NAAA: variants seen among roughly 807,000 people sequenced by gnomAD.
NAAA encodes the protein N-acylethanolamine acid amidase.
A neutral mutation model predicts 44.8 loss-of-function variants in NAAA; 39 were observed. The ratio of observed to expected loss-of-function variants is 0.87; its 90% CI spans 0.67 to 1.14. The LOEUF is 1.14. NAAA is among the 50% of genes most tolerant of loss of function. The pLI, the probability that NAAA is intolerant of heterozygous loss-of-function variation, is 0.00. For synonymous variants in NAAA, 178 were observed against 191.3 expected, an observed-to-expected ratio of 0.93 and a Z score of 0.58; for missense variants, 460 against 467.8, an observed-to-expected ratio of 0.98 and a Z score of 0.15.
chr4:75,920,617 C>T (rs893044785), intron 7 of NAAA, 121 bp downstream of exon 7: 2 of 1,239,558 alleles, frequency 1.6e-6, no homozygotes, highest in African/African-American at 1.5e-5. Context: ...GGCGAAGGGG[C>T]TCAGGTACAT....
At chr4:75,930,406 C>T (rs1480949548) in intron 4 of NAAA, 5 of 501,540 alleles carry the variant, frequency 1.0e-5, no homozygotes, top group Non-Finnish European at 2.0e-5. Flanking sequence ...CATTTCATCT[C>T]ACAGCCTATT....
chr4:75,928,043 T>A (rs1726894331), intron 4 of NAAA, among the ~76,000 whole-genome samples: 1 of 152,226 alleles, frequency 6.6e-6, no homozygotes, highest in Admixed American at 6.5e-5. Context: ...AAATACATAA[T>A]ACATGATTGT....
At position 75,915,903 on chromosome 4, in the gene NAAA, G is replaced by A. The variant is rs569645459; in HGVS notation, c.999-918C>T. ...ACATTTGTCTTGGAATCCAGTTGAG[G>A]TGCATGTGCAAAATATCGGAGCTGG... is the stretch of plus-strand genomic sequence containing the variant. On this transcript the variant is annotated intron_variant, in intron 9 of 10. Transcript: ENST00000286733. 2.0e-5 allele frequency among the ~76,000 whole-genome samples: 3 copies of A among 152,324 alleles called. No homozygotes were observed. The East Asian group carries it at 5.8e-4, about 29-fold the overall frequency.
intron 4 of NAAA, among the ~76,000 whole-genome samples, chr4:75,926,694 C>T (rs1726730762): frequency 2.0e-5 from 3 of 151,170 alleles, no homozygotes; most frequent in Admixed American, 2.0e-4. Flanking sequence ...AACAACAAAA[C>T]AAACATTCCA....
Position 75,914,924 on chromosome 4 carries a change from T to C in NAAA, c.1060A>G (p.Arg354Gly). 1.2e-6 allele frequency: 2 copies of C among 1,614,192 alleles called. No individual in the cohort carries two copies. The highest frequency in any genetic ancestry group is 2.2e-5 in the East Asian group (1 of 44,888). Residue 354 changes from arginine (R) to glycine (G), a missense_variant, in exon 10 of 11, where the codon AGA becomes GGA. By Grantham distance (125) the Arg-to-Gly change is moderately radical. Transcript: ENST00000286733. ...CTGACTTACTTTCTACTCGGGTTTCTGATCCTAGTCATGTACTTGTCTGGG... is the reference window on the plus strand; with the variant it reads ...CTGACTTACTTTCTACTCGGGTTTCCGATCCTAGTCATGTACTTGTCTGGG... ...GSPDKYMTRI[R>G]NPSRK
At chr4:75,916,713 T>C (rs57721710) in intron 9 of NAAA, among the ~76,000 whole-genome samples, 12,737 of 151,776 alleles carry the variant, frequency 0.084, 923 homozygotes, top group African/African-American at 0.19. Context: ...AAATGCTTTG[T>C]TTTATTAAAA....
chr4:75,926,934 G>GC (rs1726758710), intron 4 of NAAA, among the ~76,000 whole-genome samples: 1 of 151,210 alleles, frequency 6.6e-6, no homozygotes, highest in Admixed American at 6.6e-5. Flanking sequence ...AGCGCTGTTG[G>GC]TCAAGGCTGC....
At chr4:75,917,766 T>C in intron 9 of NAAA, 1 of 404,896 alleles carries the variant, frequency 2.5e-6, no homozygotes. Flanking sequence ...GCACCTGGCC[T>C]GCTTTCACTT....
At chr4:75,938,257 T>C (rs942623089) in intron 2 of NAAA, among the ~76,000 whole-genome samples, 1 of 152,256 alleles carries the variant, frequency 6.6e-6, no homozygotes, top group African/African-American at 2.4e-5. Context: ...TGCTAGTGAA[T>C]TGAATGGTGC....
chr4:75,913,523 T>TTGG (rs1725416625), downstream of NAAA: 1 of 313,758 alleles, frequency 3.2e-6, no homozygotes, highest in African/African-American at 2.3e-5. Flanking sequence ...AAAATCAAAC[T>TTGG]CTACCAAGCA....
At chr4:75,915,397 A>C (rs556858953) in intron 9 of NAAA, among the ~76,000 whole-genome samples, 1 of 152,240 alleles carries the variant, frequency 6.6e-6, no homozygotes, top group African/African-American at 2.4e-5. Context: ...GCTCTACCCC[A>C]AGGCAGTGGG....
At chr4:75,936,270 A>C in intron 2 of NAAA, 35 bp from the exon 3 acceptor site, 1 of 1,576,438 alleles carries the variant, frequency 6.3e-7, no homozygotes, top group Non-Finnish European at 8.6e-7. Flanking sequence ...TGAATGAATA[A>C]GACAAATAAG....
chr4:75,915,568 G>A (rs1725558362), intron 9 of NAAA, among the ~76,000 whole-genome samples: 1 of 152,162 alleles, frequency 6.6e-6, no homozygotes, highest in Non-Finnish European at 1.5e-5. Flanking sequence ...ACCCAGGGAA[G>A]AGGAAAACAC....
At chr4:75,922,957 T>C (rs1312484477) in intron 5 of NAAA, among the ~76,000 whole-genome samples, 1 of 150,830 alleles carries the variant, frequency 6.6e-6, no homozygotes, top group Admixed American at 6.6e-5. Flanking sequence ...AGTCAGGGAG[T>C]GCAAATGCAT....
At chr4:75,930,125 C>G (rs1187507279) in intron 4 of NAAA, among the ~76,000 whole-genome samples, 1 of 151,964 alleles carries the variant, frequency 6.6e-6, no homozygotes, top group Non-Finnish European at 1.5e-5. Context: ...AACAAAAACC[C>G]CAAAAAAACA....
chr4:75,912,220 T>C (rs998584945), downstream of NAAA, among the ~76,000 whole-genome samples: 60 of 152,214 alleles, frequency 3.9e-4, no homozygotes, highest in Admixed American at 3.2e-3. Context: ...ATGGCATATT[T>C]TCAAGAAAAC....
At chr4:75,928,982 C>T (rs1470937016) in intron 4 of NAAA, among the ~76,000 whole-genome samples, 1 of 149,608 alleles carries the variant, frequency 6.7e-6, no homozygotes, top group Non-Finnish European at 1.5e-5. Flanking sequence ...TTAGTAGAGA[C>T]GGGGTTTCAC....
chr4:75,921,607 T>G (rs1726168914), intron 5 of NAAA, among the ~76,000 whole-genome samples: 1 of 152,054 alleles, frequency 6.6e-6, no homozygotes, highest in Non-Finnish European at 1.5e-5. Context: ...AGAGTTCACA[T>G]AGGAGAATAA....
chr4:75,923,325 T>C (rs1726350791), intron 5 of NAAA, among the ~76,000 whole-genome samples: 1 of 152,106 alleles, frequency 6.6e-6, no homozygotes. Flanking sequence ...AGGCAGATAG[T>C]GAGGGTAGAA....
Sources: allele counts gnomAD v4.1 joint callset (sites outside exome capture counted in the v4.1 genomes callset), GRCh38; gene constraint gnomAD v4.1.1; transcripts MANE v1.5; gene names NCBI Gene and HGNC (gene_info 2026-07-23, HGNC 2026-07-21).